Variants in ZNF347 observed in about 807,000 individuals in gnomAD.
ZNF347 encodes CTD-2620I22.7.
A neutral mutation model predicts 12.9 loss-of-function variants in ZNF347; 19 were observed. That is an observed-to-expected ratio of 1.47 (90% CI 1.03 to 2.16). The LOEUF (loss-of-function observed/expected upper bound fraction) is 2.16. Ranked by LOEUF, ZNF347 falls within the 30% of genes most tolerant of loss-of-function variation. The probability of loss-of-function intolerance (pLI) is 0.00; values close to 1 mark genes in which losing one functional copy is unlikely to be tolerated. For missense variants in ZNF347, 1,005 were observed against 990.6 expected, an observed-to-expected ratio of 1.01 and a Z score of -0.19; for synonymous variants, 328 against 340.6, an observed-to-expected ratio of 0.96 and a Z score of 0.41.
chr19:53,153,744 C>A lies in ZNF347; in HGVS notation c.4G>T (p.Ala2Ser). 8 of 1,614,036 alleles carry A rather than the reference C, an allele frequency of 5.0e-6. No homozygotes were observed. Among genetic ancestry groups the A allele is most frequent in the Non-Finnish European group, 6.8e-6 (8 of 1,179,880 alleles). M[A>S]LTQGQVTFRD... ...TAATATTACCTTACCTGGGTGAGAG[C>A]CATGCCTGACTTGTCTTTCTTTCCT... The change falls in exon 2 of 5, where the codon GCT (alanine) becomes TCT (serine). Residue 2 changes from alanine to serine, a missense_variant. Physicochemically the swap from Ala to Ser is moderately conservative, Grantham distance 99. Coordinates refer to ENST00000334197, the MANE Select transcript of ZNF347 (RefSeq NM_032584.3).
At position 53,154,633 on chromosome 19, in the gene ZNF347, C is replaced by G. The variant is rs187642716; in HGVS notation, c.-46-840G>C. Among the ~76,000 whole-genome samples the G allele has an allele frequency of 1.3e-4, 20 of 152,160 alleles. No homozygotes were observed. The East Asian group carries it at 3.5e-3, about 26-fold the overall frequency. On this transcript the variant is annotated intron_variant, in intron 1 of 4. Coordinates refer to ENST00000334197, the MANE Select transcript of ZNF347 (RefSeq NM_032584.3). ...CAACAAATAGATGTGTAAAGCTTAACGGGATGTCCTAAAAGCCAAGAAAAT... is the reference window on the plus strand; with the variant it reads ...CAACAAATAGATGTGTAAAGCTTAAGGGGATGTCCTAAAAGCCAAGAAAAT...
chr19:53,140,356 T>C lies in ZNF347; in HGVS notation c.2472A>G (p.Lys824=), dbSNP rs2090412619. Residue 824 remains lysine, a synonymous_variant, in exon 5 of 5, where the codon AAA becomes AAG. Transcript: ENST00000334197. ...GGKPYKCNVW[K]VLKSEFKPCK... is the part of the protein sequence containing the mutation. ...AAGGTTTGAACTCTGACTTTAGAACTTTCCACACGTTACATTTGTAAGGTT... is the reference window on the plus strand; with the variant it reads ...AAGGTTTGAACTCTGACTTTAGAACCTTCCACACGTTACATTTGTAAGGTT... 5 of 1,587,154 alleles carry C rather than the reference T, an allele frequency of 3.2e-6. No individual in the cohort carries two copies. The South Asian group carries it at 3.5e-5, about 11-fold the overall frequency.
At chr19:53,155,692 G>A (rs1319920638) in intron 1 of ZNF347, among the ~76,000 whole-genome samples, 1 of 151,980 alleles carries the variant, frequency 6.6e-6, no homozygotes, top group Non-Finnish European at 1.5e-5. Context: ...GAATTCCCTT[G>A]AAGTTAAAAT....
Position 53,135,221 on chromosome 19 carries a change from G to A in ZNF347, c.*5087C>T, listed in dbSNP as rs1215244676. ...TGAGATTTGATGGATGGTGATGTTG[G>A]AAATCTTTTTATGTGCCTATTTATC... On this transcript the variant is annotated 3_prime_UTR_variant, in exon 5 of 5. Transcript: ENST00000334197. 1 of 150,988 alleles carries A rather than the reference G, an allele frequency of 6.6e-6. No homozygotes were observed. Among genetic ancestry groups the A allele is most frequent in the Non-Finnish European group, 1.5e-5 (1 of 67,922 alleles). 9.4% of individuals were successfully genotyped at this position (150,988 alleles called of 1,614,324 possible).
In ZNF347 at chr19:53,141,056, T is replaced by C. The variant is rs771916126; in HGVS notation, c.1772A>G (p.His591Arg). Residue 591 changes from histidine to arginine, a missense_variant, in exon 5 of 5, where the codon CAT becomes CGT. His to Arg is a conservative substitution (Grantham distance 29). Transcript: ENST00000334197. ...NSHLARHRGIHTGEKPYKCNE... is the reference protein window; with the variant it reads ...NSHLARHRGIRTGEKPYKCNE... ...ACATTTATAAGGTTTCTCTCCAGTA[T>C]GAATTCCCCGATGTCTTGCAAGGTG... is the stretch of plus-strand genomic sequence containing the variant. 4 of 1,613,776 alleles carry C rather than the reference T, an allele frequency of 2.5e-6. No homozygotes were observed. The Admixed American group carries it at 5.0e-5, about 20-fold the overall frequency.
rs1041357904 is a variant in ZNF347, at chr19:53,139,363, C to T, written c.*945G>A. The T allele has an allele frequency of 2.6e-5, 4 of 152,142 alleles. No individual in the cohort carries two copies. Among genetic ancestry groups the T allele is most frequent in the Admixed American group, 6.5e-5 (1 of 15,272 alleles). 9.4% of individuals were successfully genotyped at this position (152,142 alleles called of 1,614,324 possible). On this transcript the variant is annotated 3_prime_UTR_variant, in exon 5 of 5. Transcript: ENST00000334197. ...TCAATAAACATGGATAAAAATGATC[C>T]TCATGTAATGAAGTAAGCCTTTCCA...
intron 4 of ZNF347, among the ~76,000 whole-genome samples, chr19:53,146,419 A>T (rs1156740501): frequency 6.6e-6 from 1 of 151,908 alleles, no homozygotes; most frequent in Admixed American, 6.6e-5. Flanking sequence ...GGACTACAGA[A>T]ACGCACTACC....
chr19:53,154,496 C>T (rs1197193876), intron 1 of ZNF347, among the ~76,000 whole-genome samples: 9 of 151,742 alleles, frequency 5.9e-5, no homozygotes, highest in Admixed American at 4.6e-4. Context: ...GCAATGAGTG[C>T]GGACAGAGAA....
intron 1 of ZNF347, among the ~76,000 whole-genome samples, chr19:53,157,841 T>A (rs2090545403): frequency 6.6e-6 from 1 of 152,158 alleles, no homozygotes; most frequent in Admixed American, 6.5e-5. Flanking sequence ...TTTCTGGCCC[T>A]CTCCCTACCT....
In ZNF347 at chr19:53,150,642, A is replaced by G. The variant is rs188687507; in HGVS notation, c.16-1275T>C. Among the ~76,000 whole-genome samples the G allele has an allele frequency of 2.6e-5, 4 of 152,358 alleles. No individual in the cohort carries two copies. In the East Asian group the frequency reaches 7.7e-4, roughly 29 times the overall value. Reference sequence around the variant, plus strand: ...ATGAAAATGTGTACAGTGACTTTAAAGAAAGGTCAGAATCTAAAAACTGTG... The same window carrying G: ...ATGAAAATGTGTACAGTGACTTTAAGGAAAGGTCAGAATCTAAAAACTGTG... On this transcript the variant is annotated intron_variant, in intron 2 of 4. Coordinates refer to ENST00000334197, the MANE Select transcript of ZNF347 (RefSeq NM_032584.3).
chr19:53,144,938 G>A (rs1202072429), intron 4 of ZNF347, among the ~76,000 whole-genome samples: 1 of 151,864 alleles, frequency 6.6e-6, no homozygotes, highest in Non-Finnish European at 1.5e-5. Context: ...ATTGTATCTA[G>A]TATCTTTTCT....
chr19:53,148,084 T>C (rs2090474426), intron 4 of ZNF347, among the ~76,000 whole-genome samples: 1 of 152,208 alleles, frequency 6.6e-6, no homozygotes, highest in African/African-American at 2.4e-5. Context: ...AAAGCCTTTC[T>C]GCTAAGATCT....
Position 53,140,972 on chromosome 19 carries a change from T to A in ZNF347, c.1856A>T (p.His619Leu), listed in dbSNP as rs771690697. 2 of 1,614,078 alleles carry A rather than the reference T, an allele frequency of 1.2e-6. No individual in the cohort carries two copies. The highest frequency in any genetic ancestry group is 3.3e-5 in the Admixed American group (2 of 60,012). Residue 619 changes from histidine (H) to leucine (L), a missense_variant, in exon 5 of 5, where the codon CAT becomes CTT. Physicochemically the swap from His to Leu is moderately conservative, Grantham distance 99. Coordinates refer to ENST00000334197, the MANE Select transcript of ZNF347 (RefSeq NM_032584.3). The stretch of plus-strand genomic sequence containing the variant: ...ATACTTGTAAGGTTTCTCTCCAGTA[T>A]GAATTCGCTGATGCCTTGAAAGGTA... ...NSYLSRHQRI[H>L]TGEKPYKYNE...
At chr19:53,152,840 G>C (rs943584408) in intron 2 of ZNF347, among the ~76,000 whole-genome samples, 34 of 151,996 alleles carry the variant, frequency 2.2e-4, no homozygotes, top group Non-Finnish European at 3.4e-4. Flanking sequence ...TGAGGCAGGA[G>C]AATGGCGTGA....
chr19:53,154,561 CAAG>C (rs1476168684), intron 1 of ZNF347, among the ~76,000 whole-genome samples: 1 of 151,744 alleles, frequency 6.6e-6, no homozygotes, highest in East Asian at 1.9e-4. Context: ...TCTGGAGACA[CAAG>C]AAGAGGAAAG....
Position 53,140,091 on chromosome 19 carries a change from G to T in ZNF347, c.*217C>A. On this transcript the variant is annotated 3_prime_UTR_variant, in exon 5 of 5. Transcript: ENST00000334197. ...AATTGTGTACTTTTAGTAGAAATGGGGTTTCGCCATGTTGGTCAGGCTGGT... is the reference window on the plus strand; with the variant it reads ...AATTGTGTACTTTTAGTAGAAATGGTGTTTCGCCATGTTGGTCAGGCTGGT... 4.1e-6 allele frequency: 2 copies of T among 488,426 alleles called. No homozygotes were observed. The highest frequency in any genetic ancestry group is 7.2e-6 in the Non-Finnish European group (2 of 279,542). 30.3% of individuals were successfully genotyped at this position (488,426 alleles called of 1,614,324 possible). A position where few individuals can be genotyped will look rare whatever the true frequency, so the allele number is the denominator to read the frequency against.
chr19:53,143,102 T>G (rs189281008), intron 4 of ZNF347, among the ~76,000 whole-genome samples: 3 of 152,298 alleles, frequency 2.0e-5, no homozygotes, highest in African/African-American at 7.2e-5. Context: ...CATAAAAAAT[T>G]CAAAATGCAG....
rs1446815611 is a variant in ZNF347 at position 53,135,207 on chromosome 19, G to A, written c.*5101C>T. On this transcript the variant is annotated 3_prime_UTR_variant, in exon 5 of 5. Transcript: ENST00000334197. Reference sequence around the variant, plus strand: ...AATATGCTGAGATCTGAGATTTGATGGATGGTGATGTTGGAAATCTTTTTA... The same window carrying A: ...AATATGCTGAGATCTGAGATTTGATAGATGGTGATGTTGGAAATCTTTTTA... The A allele has an allele frequency of 6.6e-6, 1 of 151,502 alleles. No homozygotes were observed. The highest frequency in any genetic ancestry group is 1.5e-5 in the Non-Finnish European group (1 of 67,968). The allele number at this position is 151,502 out of a possible 1,614,324, so 9.4% of individuals were successfully genotyped here.
chr19:53,153,766 TC>T lies in ZNF347; in HGVS notation c.-20del, dbSNP rs1318607663. ...GAGCCATGCCTGACTTGTCTTTCTT[TC>T]CTCTTCCTCTTCTTCAAGGGTTCTT... On this transcript the variant is annotated 5_prime_UTR_variant, in exon 2 of 5. Transcript: ENST00000334197. 2 of 1,614,012 alleles carry T rather than the reference TC, an allele frequency of 1.2e-6. No individual in the cohort carries two copies.
Sources: allele counts gnomAD v4.1 joint callset (sites outside exome capture counted in the v4.1 genomes callset), GRCh38; gene constraint gnomAD v4.1.1; transcripts MANE v1.5; gene names NCBI Gene and HGNC (gene_info 2026-07-23, HGNC 2026-07-21).